CIP2A: variants seen among roughly 807,000 people sequenced by gnomAD.
CIP2A encodes protein CIP2A.
Under a neutral mutation model 110.9 loss-of-function variants are expected in CIP2A, and 103 were observed. The observed-to-expected ratio is 0.93, with a 90% CI of 0.79 to 1.09. The LOEUF is 1.09. Ranked by LOEUF, CIP2A falls within the 50% of genes least tolerant of loss-of-function variation. CIP2A has a pLI of 0.00. For missense variants in CIP2A, 1,088 were observed against 1,038.4 expected (o/e 1.05, Z -0.66); for synonymous variants, 381 against 361.6 (o/e 1.05, Z -0.61).
At chr3:108,558,494 T>C (rs550155932) in intron 16 of CIP2A, among the ~76,000 whole-genome samples, 1 of 152,116 alleles carries the variant, frequency 6.6e-6, no homozygotes, top group African/African-American at 2.4e-5. Flanking sequence ...AATGCCAAAT[T>C]TACTGAGCAC....
rs1937934993 is a variant in CIP2A at position 108,559,779 on chromosome 3, T to C, written c.1991A>G (p.Gln664Arg). The change falls in exon 16 of 21, where the codon CAA becomes CGA. Residue 664 changes from glutamine (Q) to arginine (R), a missense_variant. Transcript: ENST00000295746. ...CACCTCTGTTTCAGCTTGAGTTCTTTGACAGCGATGCTGAGCAATCAGTCT... is the reference window on the plus strand; with the variant it reads ...CACCTCTGTTTCAGCTTGAGTTCTTCGACAGCGATGCTGAGCAATCAGTCT... Reference protein sequence around the residue: ...ADRLIAQHRCQRTQAETEART... With the variant: ...ADRLIAQHRCRRTQAETEART... The C allele has an allele frequency of 6.3e-7, 1 of 1,586,900 alleles. No homozygotes were observed.
intron 8 of CIP2A, among the ~76,000 whole-genome samples, chr3:108,570,400 G>A (rs1238363483): frequency 6.6e-6 from 1 of 152,068 alleles, no homozygotes; most frequent in East Asian, 1.9e-4. Flanking sequence ...ATAAACTGTA[G>A]TACAGTCATG....
chr3:108,550,253 T>C lies in CIP2A; in HGVS notation c.*896A>G, dbSNP rs886611648. ...AAGATATTTAACCTATGCTTTAAAATTAAATGAACCAATTAAAAACTATTA... is the reference window on the plus strand; with the variant it reads ...AAGATATTTAACCTATGCTTTAAAACTAAATGAACCAATTAAAAACTATTA... On this transcript the variant is annotated 3_prime_UTR_variant, in exon 21 of 21. Coordinates refer to ENST00000295746, the MANE Select transcript of CIP2A (RefSeq NM_020890.3). The C allele has an allele frequency of 4.0e-5, 6 of 151,532 alleles. 1 individual carries two copies. The highest frequency in any genetic ancestry group is 7.4e-5 in the Non-Finnish European group (5 of 67,686). 9.4% of individuals were successfully genotyped at this position (151,532 alleles called of 1,614,324 possible).
chr3:108,577,375 G>A (rs868345203), intron 7 of CIP2A, among the ~76,000 whole-genome samples: 7 of 152,248 alleles, frequency 4.6e-5, no homozygotes, highest in African/African-American at 1.7e-4. Flanking sequence ...AGAGAGAGGA[G>A]CAACTGCTTC....
At chr3:108,587,033 G>A (rs1030229907) in intron 1 of CIP2A, among the ~76,000 whole-genome samples, 40 of 152,060 alleles carry the variant, frequency 2.6e-4, no homozygotes, top group Admixed American at 1.3e-4. Context: ...TAAGAAATAT[G>A]AAAACATCAA....
chr3:108,587,975 C>T (rs376333612), intron 1 of CIP2A, among the ~76,000 whole-genome samples: 1 of 151,998 alleles, frequency 6.6e-6, no homozygotes, highest in South Asian at 2.1e-4. Context: ...GACGGGGTTT[C>T]GCATGTTGGT....
rs746438604 is a variant in CIP2A at position 108,560,849 on chromosome 3, G to C, written c.1635-8C>G. 6.6e-7 allele frequency: 1 copy of C among 1,512,942 alleles called. No individual in the cohort carries two copies. The highest frequency in any genetic ancestry group is 1.3e-5 in the South Asian group (1 of 74,576). The allele number at this position is 1,512,942 out of a possible 1,614,324, so 93.7% of individuals were successfully genotyped here. A position where few individuals can be genotyped will look rare whatever the true frequency, so the allele number is the denominator to read the frequency against. ...GCTATACTTTCTCCAAGTCTGAATG[G>C]GAGTCAAAGAAAGGAAAAAAAAATT... On this transcript the variant is annotated splice_region_variant and splice_polypyrimidine_tract_variant and intron_variant, in intron 13 of 20. Transcript: ENST00000295746.
intron 17 of CIP2A, among the ~76,000 whole-genome samples, chr3:108,555,399 G>A (rs1224031842): frequency 6.6e-6 from 1 of 152,128 alleles, no homozygotes; most frequent in Non-Finnish European, 1.5e-5. Flanking sequence ...AAACAGGAAG[G>A]TAATAGTAGC....
At chr3:108,554,631 C>A in intron 17 of CIP2A, 142 bp from the exon 18 acceptor site, 1 of 524,350 alleles carries the variant, frequency 1.9e-6, no homozygotes, top group Non-Finnish European at 3.4e-6. Context: ...ACAAGCAGGA[C>A]ATAAACAGAA....
intron 4 of CIP2A, 145 bp from the exon 5 acceptor site, chr3:108,581,656 GA>G: frequency 1.7e-6 from 1 of 588,040 alleles, no homozygotes; most frequent in Non-Finnish European, 3.0e-6. Flanking sequence ...ATTAACATAA[GA>G]AGCCAGGGAA....
intron 1 of CIP2A, among the ~76,000 whole-genome samples, chr3:108,588,339 GAA>G (rs1452424097): frequency 2.7e-5 from 4 of 146,534 alleles, no homozygotes; most frequent in South Asian, 2.1e-4. Flanking sequence ...TTGAAGTAGG[GAA>G]AAGAGGAGCA....
intron 18 of CIP2A, 129 bp downstream of exon 18, chr3:108,554,247 C>T (rs542109256): frequency 1.9e-6 from 1 of 536,926 alleles, no homozygotes; most frequent in Non-Finnish European, 3.3e-6. Flanking sequence ...CCACCAAATA[C>T]ATATCTTATA....
In CIP2A at chr3:108,565,490, A is replaced by G. The variant is rs370605567; in HGVS notation, c.1416-36T>C. Reference sequence around the variant, plus strand: ...AAATCACATTTAAATTAGATAACTGAAAAATTTCTTAGAGCTTGTTTCTGT... The same window carrying G: ...AAATCACATTTAAATTAGATAACTGGAAAATTTCTTAGAGCTTGTTTCTGT... On this transcript the variant is annotated intron_variant, in intron 11 of 20. Coordinates refer to ENST00000295746, the MANE Select transcript of CIP2A (RefSeq NM_020890.3). The G allele has an allele frequency of 7.6e-6, 9 of 1,185,046 alleles. No homozygotes were observed. In the Admixed American group the frequency reaches 8.7e-5, roughly 12 times the overall value. The allele number at this position is 1,185,046 out of a possible 1,614,324, so 73.4% of individuals were successfully genotyped here.
chr3:108,573,525 A>C (rs1336017492), intron 8 of CIP2A, among the ~76,000 whole-genome samples: 1 of 151,822 alleles, frequency 6.6e-6, no homozygotes, highest in Non-Finnish European at 1.5e-5. Context: ...CCCCTGTGCT[A>C]CCTGACCTCC....
intron 11 of CIP2A, 34 bp from the exon 12 acceptor site, chr3:108,565,488 T>C: frequency 8.2e-7 from 1 of 1,213,734 alleles, no homozygotes; most frequent in Non-Finnish European, 1.2e-6. Flanking sequence ...ATTAGATAAC[T>C]GAAAAATTTC....
chr3:108,558,061 A>G (rs557946081), intron 16 of CIP2A, among the ~76,000 whole-genome samples: 2 of 152,256 alleles, frequency 1.3e-5, no homozygotes, highest in Non-Finnish European at 2.9e-5. Flanking sequence ...TTTTATAAGA[A>G]CTTTTCCAGT....
At chr3:108,573,158 A>G (rs1226796678) in intron 8 of CIP2A, among the ~76,000 whole-genome samples, 1 of 152,056 alleles carries the variant, frequency 6.6e-6, no homozygotes, top group Non-Finnish European at 1.5e-5. Context: ...GTAATAAGAC[A>G]TGATCCTTTT....
intron 8 of CIP2A, among the ~76,000 whole-genome samples, chr3:108,574,177 C>A (rs980127447): frequency 3.3e-5 from 5 of 152,068 alleles, no homozygotes; most frequent in African/African-American, 9.7e-5. Context: ...AAGAGAAAGA[C>A]AACGCATTAA....
chr3:108,551,183 T>A lies in CIP2A; in HGVS notation c.2684A>T (p.Lys895Ile), dbSNP rs141822291. Reference sequence around the variant, plus strand: ...GAGATTCACAGTTTCTGGATTTATTTTTCCACCACTTAAACTGTGGATCAT... The same window carrying A: ...GAGATTCACAGTTTCTGGATTTATTATTCCACCACTTAAACTGTGGATCAT... Reference protein sequence around the residue: ...IAMIHSLSGGKINPETVNLSI With the variant: ...IAMIHSLSGGIINPETVNLSI The change falls in exon 21 of 21, where the codon AAA becomes ATA. Residue 895 changes from lysine to isoleucine, a missense_variant. By Grantham distance (102) the Lys-to-Ile change is moderately radical. Transcript: ENST00000295746. 6.2e-7 allele frequency: 1 copy of A among 1,607,518 alleles called. No individual in the cohort carries two copies. Among genetic ancestry groups the A allele is most frequent in the African/African-American group, 1.3e-5 (1 of 74,670 alleles).
Sources: gnomAD v4.1 joint callset for allele counts (sites outside exome capture counted in the v4.1 genomes callset) on GRCh38, gnomAD v4.1.1 for gene constraint, MANE v1.5 for transcripts, NCBI Gene and HGNC (gene_info 2026-07-23, HGNC 2026-07-21) for gene names.